Variants in RNF6 observed in about 807,000 individuals in gnomAD.
The protein encoded by RNF6 is E3 ubiquitin-protein ligase RNF6.
Under a neutral mutation model 50.1 loss-of-function variants are expected in RNF6, and 21 were observed. The ratio of observed to expected loss-of-function variants is 0.42; its 90% CI spans 0.30 to 0.60. The LOEUF is 0.60. RNF6 is among the 20% of genes least tolerant of loss of function. The probability of loss-of-function intolerance (pLI) is 0.20; values close to 1 mark genes in which losing one functional copy is unlikely to be tolerated. For synonymous variants in RNF6, 255 were observed against 291.8 expected, an observed-to-expected ratio of 0.87 and a Z score of 1.29; for missense variants, 698 against 838.2, an observed-to-expected ratio of 0.83 and a Z score of 2.07.
At chr13:26,161,675 A>C (rs1872220784) in intron 5 of RNF6, among the ~76,000 whole-genome samples, 1 of 152,150 alleles carries the variant, frequency 6.6e-6, no homozygotes, top group African/African-American at 2.4e-5. Context: ...TAATTTACTG[A>C]ATTATCTTAT....
intron 5 of RNF6, among the ~76,000 whole-genome samples, chr13:26,152,772 C>A (rs1871687919): frequency 6.6e-6 from 1 of 152,108 alleles, no homozygotes; most frequent in Non-Finnish European, 1.5e-5. Flanking sequence ...TTACATAGAT[C>A]ATTGTTACAG....
chr13:26,218,704 A>T, intron 3 of RNF6, 98 bp from the exon 4 acceptor site: 2 of 843,270 alleles, frequency 2.4e-6, no homozygotes, highest in Non-Finnish European at 3.9e-6. Context: ...ATAGAAGACA[A>T]ATGTCTTATT....
rs146753093 is a variant in RNF6, at chr13:26,160,866, T to G, written n.769-28415A>C. Reference sequence around the variant, plus strand: ...ATGTGGCCTTCCCTCTGGGCATGCATGCTCCTGGTGTCTCTCTGGATGTCC... The same window carrying G: ...ATGTGGCCTTCCCTCTGGGCATGCAGGCTCCTGGTGTCTCTCTGGATGTCC... On this transcript the variant is annotated intron_variant and non_coding_transcript_variant, in intron 5 of 5. Coordinates refer to the RNF6 transcript ENST00000468480. Among the ~76,000 whole-genome samples the G allele has an allele frequency of 6.6e-4, 100 of 152,304 alleles. 1 individual carries two copies. Among genetic ancestry groups the G allele is most frequent in the African/African-American group, 2.4e-3 (99 of 41,562 alleles).
intron 5 of RNF6, among the ~76,000 whole-genome samples, chr13:26,176,802 C>T (rs57180402): frequency 0.26 from 38,811 of 151,806 alleles, 5,448 homozygotes; most frequent in East Asian, 0.6. Context: ...AGTGTGATGG[C>T]ACATGCCTGT....
intron 5 of RNF6, among the ~76,000 whole-genome samples, chr13:26,143,716 G>T (rs1486844031): frequency 6.6e-6 from 1 of 152,150 alleles, no homozygotes; most frequent in African/African-American, 2.4e-5. Flanking sequence ...CACCAATCTG[G>T]AGCTGTGACT....
chr13:26,159,363 G>T (rs754233078), intron 5 of RNF6, among the ~76,000 whole-genome samples: 5 of 152,062 alleles, frequency 3.3e-5, no homozygotes, highest in African/African-American at 1.2e-4. Flanking sequence ...GGTGGCTCAC[G>T]CCTGTAATCC....
At chr13:26,206,904 C>T (rs1382627553) in intron 5 of RNF6, among the ~76,000 whole-genome samples, 2 of 143,746 alleles carry the variant, frequency 1.4e-5, no homozygotes, top group Admixed American at 7.3e-5. Flanking sequence ...CCTTCATGGG[C>T]CCCTTCCTCC....
At chr13:26,183,934 A>G (rs868679572) in intron 5 of RNF6, among the ~76,000 whole-genome samples, 1 of 143,072 alleles carries the variant, frequency 7.0e-6, no homozygotes, top group Non-Finnish European at 1.5e-5. Flanking sequence ...TTATTTTTTT[A>G]TAATTATTCA....
At chr13:26,183,071 C>T (rs1593172427) in intron 5 of RNF6, among the ~76,000 whole-genome samples, 1 of 152,290 alleles carries the variant, frequency 6.6e-6, no homozygotes, top group East Asian at 1.9e-4. Flanking sequence ...GCCTTTCCCC[C>T]AGTTTAGCCT....
At chr13:26,203,592 C>T (rs997985783) in intron 5 of RNF6, among the ~76,000 whole-genome samples, 10 of 152,220 alleles carry the variant, frequency 6.6e-5, no homozygotes, top group African/African-American at 9.6e-5. Flanking sequence ...GCAGTGACTA[C>T]GCATAAAGGC....
At chr13:26,180,894 C>A (rs4770945) in intron 5 of RNF6, among the ~76,000 whole-genome samples, 100,362 of 152,082 alleles carry the variant, frequency 0.66, 33,512 homozygotes, top group African/African-American at 0.74. Flanking sequence ...TAAAGGAACC[C>A]GAAGGGGAGA....
At chr13:26,206,508 G>A (rs1431652922) in intron 5 of RNF6, among the ~76,000 whole-genome samples, 1 of 152,168 alleles carries the variant, frequency 6.6e-6, no homozygotes, top group African/African-American at 2.4e-5. Context: ...GGATTTTTCT[G>A]CTTTTGGCTG....
chr13:26,132,841 G>A (rs1451397077), intron 5 of RNF6, among the ~76,000 whole-genome samples: 1 of 152,110 alleles, frequency 6.6e-6, no homozygotes, highest in African/African-American at 2.4e-5. Context: ...ACTTTTTGCA[G>A]GCATCAGATT....
chr13:26,143,236 T>C (rs1393095534), intron 5 of RNF6, among the ~76,000 whole-genome samples: 1 of 152,212 alleles, frequency 6.6e-6, no homozygotes, highest in Non-Finnish European at 1.5e-5. Flanking sequence ...TCATATGTCA[T>C]GGTAATACTG....
At chr13:26,174,617 A>G (rs1290605144) in intron 5 of RNF6, among the ~76,000 whole-genome samples, 2 of 152,070 alleles carry the variant, frequency 1.3e-5, no homozygotes, top group Admixed American at 1.3e-4. Context: ...AAAAGAAAAC[A>G]AACCCCAAAA....
chr13:26,158,962 G>A (rs1593156206), intron 5 of RNF6, among the ~76,000 whole-genome samples: 1 of 152,022 alleles, frequency 6.6e-6, no homozygotes, highest in Non-Finnish European at 1.5e-5. Flanking sequence ...TATGAACAGG[G>A]TTTGTTATTT....
rs148329447 is a variant in RNF6 at position 26,188,773 on chromosome 13, G to T, written n.768+26701C>A. The stretch of plus-strand genomic sequence containing the variant: ...GCCTCCCAAGTAGCTGGGACTACAG[G>T]CACATGCCACCATGCCCGGTTAATT... On this transcript the variant is annotated intron_variant and non_coding_transcript_variant, in intron 5 of 5. Coordinates refer to the RNF6 transcript ENST00000468480. 4.8e-3 allele frequency among the ~76,000 whole-genome samples: 733 copies of T among 151,752 alleles called. 9 individuals carry two copies. The highest frequency in any genetic ancestry group is 0.017 in the African/African-American group (700 of 41,332).
chr13:26,187,634 T>A (rs1342744556), intron 5 of RNF6, among the ~76,000 whole-genome samples: 3 of 152,242 alleles, frequency 2.0e-5, no homozygotes, highest in Non-Finnish European at 4.4e-5. Flanking sequence ...CCCAAGGTCT[T>A]ATTGCCAATC....
intron 4 of RNF6, among the ~76,000 whole-genome samples, chr13:26,216,301 A>G (rs1331561260): frequency 3.9e-5 from 6 of 152,220 alleles, no homozygotes; most frequent in Admixed American, 6.5e-5. Flanking sequence ...AATTAGCATA[A>G]TATCTGGCAC....
Sources: allele counts gnomAD v4.1 joint callset (sites outside exome capture counted in the v4.1 genomes callset), GRCh38; gene constraint gnomAD v4.1.1; transcripts MANE v1.5; gene names NCBI Gene and HGNC (gene_info 2026-07-23, HGNC 2026-07-21).